Variants in RPS6KC1 observed in about 807,000 individuals in gnomAD.
RPS6KC1 encodes ribosomal protein S6 kinase C1.
Under a neutral mutation model 103.8 loss-of-function variants are expected in RPS6KC1, and 54 were observed. The ratio of observed to expected loss-of-function variants is 0.52; its 90% confidence interval spans 0.42 to 0.65. RPS6KC1 has a LOEUF of 0.65. RPS6KC1 is among the 30% of genes least tolerant of loss of function. The pLI is 0.00. For missense variants in RPS6KC1, 1,151 were observed against 1,253.8 expected, an observed-to-expected ratio of 0.92 and a Z score of 1.24; for synonymous variants, 439 against 438.7, an observed-to-expected ratio of 1.00 and a Z score of -0.01.
At chr1:213,149,650 C>A (rs1200283128) in intron 6 of RPS6KC1, among the ~76,000 whole-genome samples, 2 of 152,150 alleles carry the variant, frequency 1.3e-5, no homozygotes, top group Non-Finnish European at 2.9e-5. Flanking sequence ...CTGTAAATAT[C>A]TATTAGATCC....
chr1:213,802,571 C>T, the RPS6KC1 span, among the ~76,000 whole-genome samples: 12 of 152,206 alleles, frequency 7.9e-5, no homozygotes, highest in South Asian at 4.2e-4. Flanking sequence ...AGGGTATAGA[C>T]TTTTATGTTT....
chr1:213,421,747 A>C, the RPS6KC1 span, among the ~76,000 whole-genome samples: 2 of 152,186 alleles, frequency 1.3e-5, no homozygotes, highest in African/African-American at 4.8e-5. Flanking sequence ...GGTGCTCCCA[A>C]CACTTCTGTG....
chr1:213,307,118 A>G, the RPS6KC1 span, among the ~76,000 whole-genome samples: 65 of 139,468 alleles, frequency 4.7e-4, no homozygotes, highest in African/African-American at 1.8e-3. Context: ...GCTGGAGTGC[A>G]GTGGCGCGAT....
intron 9 of RPS6KC1, 130 bp from the exon 10 acceptor site, chr1:213,231,993 T>A: frequency 8.9e-7 from 1 of 1,125,694 alleles, no homozygotes; most frequent in Non-Finnish European, 1.3e-6. Context: ...GAGCAGCAGA[T>A]GAGTGGTTTC....
the RPS6KC1 span, among the ~76,000 whole-genome samples, chr1:213,617,903 A>G: frequency 3.3e-5 from 5 of 152,240 alleles, no homozygotes; most frequent in Admixed American, 6.5e-5. Context: ...GGGTCTTCTC[A>G]GAATGAAAAA....
the RPS6KC1 span, among the ~76,000 whole-genome samples, chr1:213,577,620 G>C: frequency 0.067 from 10,238 of 152,234 alleles, 447 homozygotes; most frequent in Middle Eastern, 0.12. Context: ...GGAACTTATT[G>C]GGAACTGGGG....
the RPS6KC1 span, among the ~76,000 whole-genome samples, chr1:213,584,021 G>A: frequency 6.6e-6 from 1 of 152,102 alleles, no homozygotes; most frequent in South Asian, 2.1e-4. Flanking sequence ...CTGTGGAAGG[G>A]ACTTGGTGGG....
At chr1:213,565,339 A>G in the RPS6KC1 span, among the ~76,000 whole-genome samples, 1 of 152,224 alleles carries the variant, frequency 6.6e-6, no homozygotes, top group East Asian at 1.9e-4. Context: ...CTTTATTGAT[A>G]ATGTCCTTAG....
At chr1:213,470,770 G>T in the RPS6KC1 span, among the ~76,000 whole-genome samples, 2 of 151,766 alleles carry the variant, frequency 1.3e-5, no homozygotes, top group Non-Finnish European at 2.9e-5. Context: ...ATGGGCATGT[G>T]CTACCTGCCA....
At chr1:213,398,673 C>T in the RPS6KC1 span, among the ~76,000 whole-genome samples, 1 of 152,150 alleles carries the variant, frequency 6.6e-6, no homozygotes, top group African/African-American at 2.4e-5. Flanking sequence ...AAGCTCAGAA[C>T]CAAATTGCAG....
the RPS6KC1 span, among the ~76,000 whole-genome samples, chr1:213,382,030 C>T: frequency 1.3e-5 from 2 of 152,164 alleles, no homozygotes; most frequent in African/African-American, 2.4e-5. Flanking sequence ...CACACCCAGG[C>T]GCACACACCA....
the RPS6KC1 span, among the ~76,000 whole-genome samples, chr1:213,346,856 A>G: frequency 1.4e-4 from 21 of 152,206 alleles, no homozygotes; most frequent in African/African-American, 5.1e-4. Flanking sequence ...GATGAGACGC[A>G]TGTGGAGCAG....
At chr1:213,112,085 A>G (rs2083079263) in intron 4 of RPS6KC1, among the ~76,000 whole-genome samples, 1 of 152,122 alleles carries the variant, frequency 6.6e-6, no homozygotes, top group Non-Finnish European at 1.5e-5. Flanking sequence ...CAGAGAAGGG[A>G]CTTCTGATTA....
chr1:213,315,546 T>G, the RPS6KC1 span, among the ~76,000 whole-genome samples: 1 of 152,250 alleles, frequency 6.6e-6, no homozygotes, highest in South Asian at 2.1e-4. Flanking sequence ...TGGAATTCAT[T>G]GCAGGTTCCC....
chr1:213,182,488 CT>C, intron 8 of RPS6KC1, among the ~76,000 whole-genome samples: 1 of 152,114 alleles, frequency 6.6e-6, no homozygotes, highest in South Asian at 2.1e-4. Flanking sequence ...GAGACTCCAT[CT>C]CAAACAAACA....
At chr1:213,199,038 G>T (rs2148550977) in intron 8 of RPS6KC1, among the ~76,000 whole-genome samples, 1 of 152,292 alleles carries the variant, frequency 6.6e-6, no homozygotes, top group East Asian at 1.9e-4. Context: ...GGACCAGATG[G>T]ATTCACAGCT....
chr1:213,664,204 G>C, the RPS6KC1 span, among the ~76,000 whole-genome samples: 1 of 141,374 alleles, frequency 7.1e-6, no homozygotes, highest in Admixed American at 7.2e-5. Context: ...GGGGGGCGGG[G>C]TGGGGAGGGG....
chr1:213,321,464 TG>T, the RPS6KC1 span, among the ~76,000 whole-genome samples: 2 of 152,194 alleles, frequency 1.3e-5, no homozygotes, highest in Non-Finnish European at 2.9e-5. Context: ...ATGGTTGGCA[TG>T]ATTGTAGTTC....
At chr1:213,784,066 G>C in the RPS6KC1 span, among the ~76,000 whole-genome samples, 1 of 152,142 alleles carries the variant, frequency 6.6e-6, no homozygotes, top group African/African-American at 2.4e-5. Flanking sequence ...TGAAATGTTT[G>C]AAACGACCTC....
Sources: gnomAD v4.1 joint callset for allele counts (sites outside exome capture counted in the v4.1 genomes callset) on GRCh38, gnomAD v4.1.1 for gene constraint, MANE v1.5 for transcripts, NCBI Gene and HGNC (gene_info 2026-07-23, HGNC 2026-07-21) for gene names.